Variants in RFX3 observed in about 807,000 individuals in gnomAD.
RFX3 encodes regulatory factor X3, also known as transcription factor RFX3.
In RFX3, 14 loss-of-function variants were observed where a neutral mutation model predicts 98.6. That is an observed-to-expected ratio of 0.14 (90% CI 0.09 to 0.22). The LOEUF (loss-of-function observed/expected upper bound fraction) is 0.22, where lower values mean the gene tolerates loss of function less well. Ranked by LOEUF, RFX3 falls within the 10% of genes least tolerant of loss-of-function variation. RFX3 has a pLI of 1.00. For synonymous variants in RFX3, 383 were observed against 328.4 expected, an observed-to-expected ratio of 1.17 and a Z score of -1.80; for missense variants, 639 against 926.9, an observed-to-expected ratio of 0.69 and a Z score of 4.03.
chr9:3,512,350 A>C (rs548976342), intron 1 of RFX3, among the ~76,000 whole-genome samples: 1 of 152,082 alleles, frequency 6.6e-6, no homozygotes, highest in Admixed American at 6.6e-5. Flanking sequence ...ATGGGAGTTT[A>C]TTATACTACT....
intron 2 of RFX3, among the ~76,000 whole-genome samples, chr9:3,366,168 AC>A (rs749040273): frequency 3.3e-4 from 51 of 152,250 alleles, no homozygotes; most frequent in Admixed American, 1.9e-3. Flanking sequence ...CTCATAGCTC[AC>A]TATTGAGAAT....
chr9:3,298,614 G>T (rs904583477), intron 5 of RFX3, among the ~76,000 whole-genome samples: 2 of 151,746 alleles, frequency 1.3e-5, no homozygotes, highest in Admixed American at 6.6e-5. Context: ...CTTACTAAAT[G>T]CCTATTAGAG....
intron 6 of RFX3, among the ~76,000 whole-genome samples, chr9:3,288,604 G>C (rs1826943812): frequency 1.3e-5 from 2 of 151,794 alleles, no homozygotes; most frequent in Non-Finnish European, 2.9e-5. Flanking sequence ...AAAAGTTTTT[G>C]GCCAGTAAAA....
At chr9:3,282,579 T>A (rs1163773435) in intron 7 of RFX3, among the ~76,000 whole-genome samples, 1 of 151,784 alleles carries the variant, frequency 6.6e-6, no homozygotes, top group Non-Finnish European at 1.5e-5. Flanking sequence ...TCCCAGGTGC[T>A]GAGGATGCAG....
chr9:3,234,514 G>A lies in RFX3; in HGVS notation c.1969-5625C>T, dbSNP rs1326062491. On this transcript the variant is annotated intron_variant, in intron 15 of 16. Coordinates refer to ENST00000617270, the MANE Select transcript of RFX3 (RefSeq NM_001282116.2). ...AAGTTAGCTGGGTGTGGTGGCACAC[G>A]CCTGTAGTCCCAGCTAGTCGGGAGG... Among the ~76,000 whole-genome samples the A allele has an allele frequency of 2.6e-5, 4 of 152,140 alleles. 1 individual carries two copies. Among genetic ancestry groups the A allele is most frequent in the South Asian group, 4.1e-4 (2 of 4,820 alleles).
intron 16 of RFX3, among the ~76,000 whole-genome samples, chr9:3,227,263 G>T (rs1456537462): frequency 6.6e-6 from 1 of 152,178 alleles, no homozygotes; most frequent in Non-Finnish European, 1.5e-5. Flanking sequence ...TGTCTATTTT[G>T]TTGTGGATGG....
intron 1 of RFX3, among the ~76,000 whole-genome samples, chr9:3,450,474 T>C (rs1846488708): frequency 6.6e-6 from 1 of 152,214 alleles, no homozygotes; most frequent in African/African-American, 2.4e-5. Context: ...TGTTTAGTGA[T>C]ACAAAAGAAA....
chr9:3,340,291 A>G (rs1487729899), intron 3 of RFX3, among the ~76,000 whole-genome samples: 1 of 152,218 alleles, frequency 6.6e-6, no homozygotes, highest in Admixed American at 6.5e-5. Context: ...ACCTAAAACC[A>G]TAAAAACCCT....
intron 6 of RFX3, among the ~76,000 whole-genome samples, chr9:3,290,400 T>C (rs969423104): frequency 1.3e-5 from 2 of 152,180 alleles, no homozygotes; most frequent in South Asian, 2.1e-4. Context: ...GAATGGAGCC[T>C]CAAAATAGGA....
chr9:3,328,926 C>T (rs993225035), intron 4 of RFX3, among the ~76,000 whole-genome samples: 1 of 152,116 alleles, frequency 6.6e-6, no homozygotes, highest in Admixed American at 6.5e-5. Context: ...AAATCCCCAG[C>T]ACCCTTTTAT....
chr9:3,263,102 T>C lies in RFX3; in HGVS notation c.1456-18A>G, dbSNP rs1402676411. The C allele has an allele frequency of 6.2e-7, 1 of 1,609,544 alleles. No homozygotes were observed. Among genetic ancestry groups the C allele is most frequent in the Non-Finnish European group, 8.5e-7 (1 of 1,177,742 alleles). ...GCGGCAACCTGTAACGCAATCCAAT[T>C]AAGTTGGGATTCTGTTTCCTCCAGT... On this transcript the variant is annotated intron_variant, in intron 12 of 16. Transcript: ENST00000617270.
chr9:3,407,004 A>G (rs184791061), intron 1 of RFX3, among the ~76,000 whole-genome samples: 2 of 152,292 alleles, frequency 1.3e-5, no homozygotes, highest in African/African-American at 4.8e-5. Context: ...GATTCGCTGA[A>G]TTGTGGATTC....
chr9:3,372,589 A>G (rs749746362), intron 2 of RFX3, among the ~76,000 whole-genome samples: 5 of 140,438 alleles, frequency 3.6e-5, no homozygotes, highest in Non-Finnish European at 7.6e-5. Context: ...GCTCTGTCAC[A>G]CAGGCTGGAG....
At chr9:3,261,062 A>T (rs902749438) in intron 13 of RFX3, among the ~76,000 whole-genome samples, 1 of 151,864 alleles carries the variant, frequency 6.6e-6, no homozygotes, top group African/African-American at 2.4e-5. Flanking sequence ...AGTAGAAATT[A>T]AAATTTCTAG....
intron 1 of RFX3, among the ~76,000 whole-genome samples, chr9:3,499,827 C>T (rs950036650): frequency 6.6e-6 from 1 of 152,070 alleles, no homozygotes; most frequent in Non-Finnish European, 1.5e-5. Flanking sequence ...GATATTTTTG[C>T]TATATTAATA....
intron 7 of RFX3, among the ~76,000 whole-genome samples, chr9:3,279,141 C>T (rs1395002461): frequency 1.3e-5 from 2 of 151,718 alleles, no homozygotes; most frequent in Non-Finnish European, 2.9e-5. Context: ...GGCAAAAAAG[C>T]ACTTTGTGTA....
At chr9:3,369,115 G>A (rs1837527247) in intron 2 of RFX3, among the ~76,000 whole-genome samples, 1 of 152,184 alleles carries the variant, frequency 6.6e-6, no homozygotes, top group Admixed American at 6.5e-5. Flanking sequence ...AAAAAGATAG[G>A]AAGACAGTGA....
chr9:3,406,523 A>T (rs1564058762), intron 1 of RFX3, among the ~76,000 whole-genome samples: 1 of 152,074 alleles, frequency 6.6e-6, no homozygotes, highest in Non-Finnish European at 1.5e-5. Context: ...CAACAAGACT[A>T]TAAACTCCAT....
chr9:3,282,337 T>C (rs1023909178), intron 7 of RFX3, among the ~76,000 whole-genome samples: 1 of 151,812 alleles, frequency 6.6e-6, no homozygotes, highest in Non-Finnish European at 1.5e-5. Context: ...TGGTTAATGA[T>C]AGGTATTCCA....
Sources: allele counts gnomAD v4.1 joint callset (sites outside exome capture counted in the v4.1 genomes callset), GRCh38; gene constraint gnomAD v4.1.1; transcripts MANE v1.5; gene names NCBI Gene and HGNC (gene_info 2026-07-23, HGNC 2026-07-21).